Variants in PLGRKT observed in about 807,000 individuals in gnomAD.
PLGRKT encodes the protein plasminogen receptor with a C-terminal lysine.
Under a neutral mutation model 18.5 loss-of-function variants are expected in PLGRKT, and 22 were observed. The ratio of observed to expected loss-of-function variants is 1.19; its 90% CI spans 0.85 to 1.70. The LOEUF (loss-of-function observed/expected upper bound fraction) is 1.70. Among genes scored for constraint, PLGRKT ranks in the 40% most tolerant of loss-of-function variants. The probability of loss-of-function intolerance (pLI) is 0.00; values close to 1 mark genes in which losing one functional copy is unlikely to be tolerated. For missense variants in PLGRKT, 235 were observed against 174.4 expected (o/e 1.35, Z -1.96); for synonymous variants, 72 against 52.8 (o/e 1.36, Z -1.58).
intron 5 of PLGRKT, among the ~76,000 whole-genome samples, chr9:5,359,936 TA>T (rs1817226578): frequency 6.6e-6 from 1 of 152,256 alleles, no homozygotes; most frequent in African/African-American, 2.4e-5. Flanking sequence ...TAATAAAATG[TA>T]CATAAAATTC....
At position 5,378,195 on chromosome 9, in the gene PLGRKT, A is replaced by G. The variant is rs75954868; in HGVS notation, c.82-16307T>C. Among the ~76,000 whole-genome samples the G allele has an allele frequency of 1.8e-3, 269 of 152,342 alleles. 9 individuals carry two copies. The East Asian group carries it at 0.036, about 21-fold the overall frequency. ...TTGAGGGAAACCAACAGCGTAATAG[A>G]TAAGGATAAAGGTGCATAAAGAGAA... is the stretch of plus-strand genomic sequence containing the variant. On this transcript the variant is annotated intron_variant, in intron 3 of 5. Coordinates refer to ENST00000223864, the MANE Select transcript of PLGRKT (RefSeq NM_018465.4).
At chr9:5,364,671 C>T (rs536952119) in intron 3 of PLGRKT, among the ~76,000 whole-genome samples, 1 of 152,286 alleles carries the variant, frequency 6.6e-6, no homozygotes, top group East Asian at 1.9e-4. Flanking sequence ...AAACTAAAGA[C>T]AAAGGACTAT....
At chr9:5,368,738 A>T (rs541190368) in intron 3 of PLGRKT, among the ~76,000 whole-genome samples, 3 of 152,092 alleles carry the variant, frequency 2.0e-5, no homozygotes, top group African/African-American at 4.8e-5. Flanking sequence ...AATTATAAAA[A>T]ATAAAGATAC....
chr9:5,420,228 C>T (rs1490458369), intron 3 of PLGRKT, among the ~76,000 whole-genome samples: 1 of 152,084 alleles, frequency 6.6e-6, no homozygotes, highest in African/African-American at 2.4e-5. Flanking sequence ...TTAGTGGTTG[C>T]AAAGGGCTGA....
intron 3 of PLGRKT, among the ~76,000 whole-genome samples, chr9:5,424,553 T>TA (rs1818648782): frequency 7.5e-6 from 1 of 133,662 alleles, no homozygotes; most frequent in Non-Finnish European, 1.5e-5. Context: ...TTAATATGTT[T>TA]ATATAATACA....
intron 3 of PLGRKT, among the ~76,000 whole-genome samples, chr9:5,362,122 C>G (rs776655083): frequency 3.3e-5 from 5 of 152,176 alleles, no homozygotes; most frequent in Non-Finnish European, 7.3e-5. Flanking sequence ...TCCATTTTTA[C>G]ACCCTGAGGT....
At position 5,395,402 on chromosome 9, in the gene PLGRKT, TACTTCAATTCTGG is replaced by T. The variant is rs559048954; in HGVS notation, c.82-33527_82-33515del. Among the ~76,000 whole-genome samples, 624 of 152,108 alleles carry T rather than the reference TACTTCAATTCTGG, an allele frequency of 4.1e-3. 14 individuals are homozygous for T. Among genetic ancestry groups the T allele is most frequent in the African/African-American group, 0.013 (540 of 41,366 alleles). Reference sequence around the variant, plus strand: ...AGCAAGCAACTCAGTGAATTACTGGTACTTCAATTCTGGACTTCAATTCTGAAGTCACTGAAAT... The same window carrying T: ...AGCAAGCAACTCAGTGAATTACTGGTACTTCAATTCTGAAGTCACTGAAAT... On this transcript the variant is annotated intron_variant, in intron 3 of 5. Coordinates refer to ENST00000223864, the MANE Select transcript of PLGRKT (RefSeq NM_018465.4).
intron 3 of PLGRKT, among the ~76,000 whole-genome samples, chr9:5,398,176 C>G (rs1818089470): frequency 1.3e-5 from 2 of 151,768 alleles, no homozygotes; most frequent in South Asian, 2.1e-4. Flanking sequence ...AGGGCAGCAG[C>G]TGCACCCTTA....
intron 3 of PLGRKT, among the ~76,000 whole-genome samples, chr9:5,373,366 G>A (rs895205267): frequency 2.0e-5 from 3 of 152,098 alleles, no homozygotes; most frequent in South Asian, 2.1e-4. Context: ...AAACCATGAC[G>A]TCCAAATAAT....
chr9:5,373,353 G>A (rs1817565318), intron 3 of PLGRKT, among the ~76,000 whole-genome samples: 1 of 152,162 alleles, frequency 6.6e-6, no homozygotes, highest in African/African-American at 2.4e-5. Context: ...AACTAACTGG[G>A]AGAAACCATG....
chr9:5,370,113 A>G (rs532451351), intron 3 of PLGRKT, among the ~76,000 whole-genome samples: 1 of 152,314 alleles, frequency 6.6e-6, no homozygotes, highest in Non-Finnish European at 1.5e-5. Flanking sequence ...ATAAAAATAA[A>G]AAACATAAAA....
At chr9:5,394,852 T>G (rs1324558249) in intron 3 of PLGRKT, among the ~76,000 whole-genome samples, 1 of 151,908 alleles carries the variant, frequency 6.6e-6, no homozygotes, top group East Asian at 1.9e-4. Flanking sequence ...CTGCTGGAGA[T>G]AGACTACAGT....
chr9:5,395,957 A>T (rs991746290), intron 3 of PLGRKT, among the ~76,000 whole-genome samples: 5 of 146,430 alleles, frequency 3.4e-5, no homozygotes, highest in African/African-American at 1.0e-4. Context: ...GAGGTGGCAC[A>T]ATCTTGGTTC....
At chr9:5,404,142 C>T (rs1420310269) in intron 3 of PLGRKT, among the ~76,000 whole-genome samples, 2 of 152,096 alleles carry the variant, frequency 1.3e-5, no homozygotes, top group Admixed American at 6.5e-5. Context: ...AACAGCCTAC[C>T]AACCAAAAAC....
chr9:5,390,773 G>A (rs1388813672), intron 3 of PLGRKT, among the ~76,000 whole-genome samples: 3 of 151,864 alleles, frequency 2.0e-5, no homozygotes, highest in Admixed American at 1.3e-4. Context: ...CCCAGGTGTA[G>A]CCAACAAAGA....
At chr9:5,372,013 GCT>G (rs1817529878) in intron 3 of PLGRKT, among the ~76,000 whole-genome samples, 1 of 30,960 alleles carries the variant, frequency 3.2e-5, no homozygotes, top group Non-Finnish European at 6.2e-5. Flanking sequence ...ATGGAGTCTC[GCT>G]CTGTCTCCCA....
intron 3 of PLGRKT, among the ~76,000 whole-genome samples, chr9:5,368,609 G>A (rs1817447540): frequency 1.3e-5 from 2 of 152,100 alleles, no homozygotes; most frequent in South Asian, 2.1e-4. Context: ...GGAAGCAAGT[G>A]ATGAAAAACT....
At chr9:5,432,334 G>A (rs1818843523) in intron 2 of PLGRKT, among the ~76,000 whole-genome samples, 1 of 152,064 alleles carries the variant, frequency 6.6e-6, no homozygotes, top group African/African-American at 2.4e-5. Context: ...TTTTTTGTGA[G>A]GGGAAGGGTG....
intron 3 of PLGRKT, among the ~76,000 whole-genome samples, chr9:5,403,664 T>C (rs577727867): frequency 1.1e-4 from 17 of 152,362 alleles, no homozygotes; most frequent in African/African-American, 3.4e-4. Context: ...TTTAATCTCA[T>C]TCTATGTTCT....
Sources: allele counts gnomAD v4.1 joint callset (sites outside exome capture counted in the v4.1 genomes callset), GRCh38; gene constraint gnomAD v4.1.1; transcripts MANE v1.5; gene names NCBI Gene and HGNC (gene_info 2026-07-23, HGNC 2026-07-21).